The following SRBD1 variants were observed in gnomAD, a reference collection of about 807,000 sequenced individuals.
SRBD1 encodes S1 RNA binding domain 1.
In SRBD1, 88 loss-of-function variants were observed where a neutral mutation model predicts 115.3. That is an observed-to-expected ratio of 0.76 (90% confidence interval 0.64 to 0.91). The LOEUF (loss-of-function observed/expected upper bound fraction) is 0.91. Ranked by LOEUF, SRBD1 falls within the 40% of genes least tolerant of loss-of-function variation. The probability of loss-of-function intolerance (pLI) is 0.00; values close to 1 mark genes in which losing one functional copy is unlikely to be tolerated. For synonymous variants in SRBD1, 509 were observed against 407.7 expected (o/e 1.25, Z -2.99); for missense variants, 1,385 against 1,177.4 (o/e 1.18, Z -2.58).
In SRBD1 at chr2:45,471,784, T is replaced by C. The variant is rs541754436; in HGVS notation, c.2049+5209A>G. On this transcript the variant is annotated intron_variant, in intron 16 of 20. Coordinates refer to ENST00000263736, the MANE Select transcript of SRBD1 (RefSeq NM_018079.5). ...TGTTTCTTCCACAGTAAATGGTATG[T>C]AGTGGCTCTTTACATATTTTATGTA... is the stretch of plus-strand genomic sequence containing the variant. Among the ~76,000 whole-genome samples the C allele has an allele frequency of 2.6e-5, 4 of 152,302 alleles. No homozygotes were observed. The South Asian group carries it at 6.2e-4, about 24-fold the overall frequency.
chr2:45,609,747 A>T (rs1674386035), intron 1 of SRBD1, among the ~76,000 whole-genome samples: 1 of 152,170 alleles, frequency 6.6e-6, no homozygotes. Context: ...TTCAGGCCTA[A>T]AATAGGTTTC....
Position 45,393,087 on chromosome 2 carries a change from C to A in SRBD1, c.2556G>T (p.Lys852Asn). The change falls in exon 20 of 21, where the codon AAG becomes AAT. Residue 852 changes from lysine to asparagine, a missense_variant. Lys to Asn is a moderately conservative substitution (Grantham distance 94). Coordinates refer to ENST00000263736, the MANE Select transcript of SRBD1 (RefSeq NM_018079.5). ...AATTTATTTTTTGTTGCATTTCAGGCTTTCCAACCTCATACAGTGTCCCTC... is the reference window on the plus strand; with the variant it reads ...AATTTATTTTTTGTTGCATTTCAGGATTTCCAACCTCATACAGTGTCCCTC... Reference protein sequence around the residue: ...SIGGTLYEVGKPEMQQKINSF... With the variant: ...SIGGTLYEVGNPEMQQKINSF... The A allele has an allele frequency of 6.2e-7, 1 of 1,613,338 alleles. No homozygotes were observed.
chr2:45,569,329 C>G (rs17422639), intron 9 of SRBD1: 23,299 of 152,256 alleles, frequency 0.15, 2,598 homozygotes, highest in African/African-American at 0.31. Context: ...CTTAGGCAAC[C>G]TGCTGGTCTC....
chr2:45,493,654 CA>C (rs532093779), intron 14 of SRBD1, among the ~76,000 whole-genome samples: 10 of 147,042 alleles, frequency 6.8e-5, no homozygotes, highest in Non-Finnish European at 7.5e-5. Flanking sequence ...CTACTAAATA[CA>C]AAAAAAAAAT....
chr2:45,462,345 C>T (rs1372479162), intron 16 of SRBD1, among the ~76,000 whole-genome samples: 2 of 152,154 alleles, frequency 1.3e-5, no homozygotes, highest in Non-Finnish European at 2.9e-5. Flanking sequence ...CTTAAAAACA[C>T]TCACTTGCAC....
chr2:45,413,861 G>A (rs113854564), intron 18 of SRBD1, among the ~76,000 whole-genome samples: 7,117 of 152,182 alleles, frequency 0.047, 557 homozygotes, highest in African/African-American at 0.16. Context: ...AAACCTGGCA[G>A]GCGGCGGTTG....
rs762896046 is a variant in SRBD1, at chr2:45,546,692, C to T, written c.1874+40G>A. On this transcript the variant is annotated intron_variant, in intron 14 of 20. Coordinates refer to ENST00000263736, the MANE Select transcript of SRBD1 (RefSeq NM_018079.5). Reference sequence around the variant, plus strand: ...ATCACAAAAGCAACTTTAAAGTTCCCATGCTTCTCCAAGAAAAGAGATATA... The same window carrying T: ...ATCACAAAAGCAACTTTAAAGTTCCTATGCTTCTCCAAGAAAAGAGATATA... 3 of 1,591,834 alleles carry T rather than the reference C, an allele frequency of 1.9e-6. No homozygotes were observed. The African/African-American group carries it at 4.0e-5, about 21-fold the overall frequency.
chr2:45,559,938 G>A (rs1245620154), intron 10 of SRBD1, among the ~76,000 whole-genome samples: 2 of 151,930 alleles, frequency 1.3e-5, no homozygotes, highest in Non-Finnish European at 2.9e-5. Flanking sequence ...AAATTTAGCT[G>A]GGTGTGGTGG....
intron 5 of SRBD1, among the ~76,000 whole-genome samples, chr2:45,584,176 C>T (rs916119341): frequency 3.3e-5 from 5 of 152,134 alleles, no homozygotes; most frequent in South Asian, 2.1e-4. Flanking sequence ...AAATTTGTTA[C>T]GTAAAAACTC....
intron 14 of SRBD1, among the ~76,000 whole-genome samples, chr2:45,540,934 G>T (rs1232088981): frequency 6.6e-6 from 1 of 152,224 alleles, no homozygotes; most frequent in Non-Finnish European, 1.5e-5. Context: ...AATCCTTAGG[G>T]TGTCACTTTT....
intron 9 of SRBD1, among the ~76,000 whole-genome samples, chr2:45,567,600 T>C (rs920916644): frequency 2.7e-5 from 4 of 146,792 alleles, no homozygotes; most frequent in South Asian, 4.2e-4. Flanking sequence ...AAGAGCAAGA[T>C]ACTGTCTAAG....
At chr2:45,472,271 G>A (rs956341973) in intron 16 of SRBD1, among the ~76,000 whole-genome samples, 2 of 152,300 alleles carry the variant, frequency 1.3e-5, no homozygotes, top group African/African-American at 4.8e-5. Context: ...TGTATATGAA[G>A]TATCTAGAGG....
chr2:45,474,062 T>C (rs190996775), intron 16 of SRBD1, among the ~76,000 whole-genome samples: 67 of 152,372 alleles, frequency 4.4e-4, no homozygotes, highest in Admixed American at 1.2e-3. Context: ...AGTCCAATTA[T>C]GCATTTTAAT....
Position 45,579,976 on chromosome 2 carries a change from G to C in SRBD1, c.971C>G (p.Ala324Gly). The change falls in exon 7 of 21, where the codon GCC becomes GGC. Residue 324 changes from alanine to glycine, a missense_variant. Transcript: ENST00000263736. ...PYKTGSKGTKAQRARQLGLEG... is the reference protein window; with the variant it reads ...PYKTGSKGTKGQRARQLGLEG... Reference sequence around the variant, plus strand: ...TAAGCCCAACTGTCTTGCTCTCTGGGCTTTAGTCCCTTTGCTTCCAGTTTT... The same window carrying C: ...TAAGCCCAACTGTCTTGCTCTCTGGCCTTTAGTCCCTTTGCTTCCAGTTTT... The C allele has an allele frequency of 6.3e-7, 1 of 1,596,882 alleles. No individual in the cohort carries two copies. Among genetic ancestry groups the C allele is most frequent in the Non-Finnish European group, 8.5e-7 (1 of 1,173,172 alleles).
chr2:45,445,579 A>AAAAAAG (rs1668798323), intron 16 of SRBD1, among the ~76,000 whole-genome samples: 2 of 145,886 alleles, frequency 1.4e-5, no homozygotes, highest in African/African-American at 5.1e-5. Context: ...AAAAAAAAAA[A>AAAAAAG]GTAGAAAAGG....
intron 14 of SRBD1, among the ~76,000 whole-genome samples, chr2:45,527,362 A>T (rs1671478035): frequency 6.6e-6 from 1 of 151,918 alleles, no homozygotes; most frequent in Admixed American, 6.6e-5. Flanking sequence ...TATATATTAA[A>T]TGTTATGGAA....
intron 14 of SRBD1, among the ~76,000 whole-genome samples, chr2:45,544,600 A>C (rs1269561666): frequency 1.3e-5 from 2 of 152,194 alleles, no homozygotes; most frequent in Non-Finnish European, 2.9e-5. Flanking sequence ...ATACCACAAT[A>C]CATAGATTTT....
chr2:45,429,748 T>C (rs751561610), intron 16 of SRBD1, among the ~76,000 whole-genome samples: 3 of 152,190 alleles, frequency 2.0e-5, no homozygotes, highest in Non-Finnish European at 4.4e-5. Flanking sequence ...GGATGCCCTC[T>C]CTCACCACTC....
At position 45,585,167 on chromosome 2, in the gene SRBD1, G is replaced by A. The variant is rs189537969; in HGVS notation, c.815+441C>T. On this transcript the variant is annotated intron_variant, in intron 5 of 20. Transcript: ENST00000263736. ...TCTGTCTCCGAAAAAAAAAAAAGAT[G>A]GGAAAAGGAAATATACATATTTCCT... is the stretch of plus-strand genomic sequence containing the variant. Among the ~76,000 whole-genome samples the A allele has an allele frequency of 3.4e-3, 512 of 151,764 alleles. 5 individuals carry two copies. The highest frequency in any genetic ancestry group is 0.012 in the African/African-American group (477 of 41,420).
Sources: gnomAD v4.1 joint callset for allele counts (sites outside exome capture counted in the v4.1 genomes callset) on GRCh38, gnomAD v4.1.1 for gene constraint, MANE v1.5 for transcripts, NCBI Gene and HGNC (gene_info 2026-07-23, HGNC 2026-07-21) for gene names.